The following KIAA0408 variants were observed in gnomAD, a reference collection of about 807,000 sequenced individuals.
KIAA0408 encodes the protein KIAA0408, also known as uncharacterized protein KIAA0408.
In KIAA0408, 51 loss-of-function variants were observed where a neutral mutation model predicts 60.9. The ratio of observed to expected loss-of-function variants is 0.84; its 90% confidence interval spans 0.67 to 1.06. KIAA0408 has a LOEUF of 1.06. Among genes scored for constraint, KIAA0408 ranks in the 50% least tolerant of loss-of-function variants. KIAA0408 has a pLI of 0.00. For synonymous variants in KIAA0408, 304 were observed against 282.4 expected, an observed-to-expected ratio of 1.08 and a Z score of -0.77; for missense variants, 787 against 833.9, an observed-to-expected ratio of 0.94 and a Z score of 0.69.
chr6:127,456,721 G>A (rs1029658591), intron 1 of KIAA0408, among the ~76,000 whole-genome samples: 1 of 151,784 alleles, frequency 6.6e-6, no homozygotes, highest in Non-Finnish European at 1.5e-5. Context: ...CAGTCTTGTC[G>A]TAAATATAAT....
chr6:127,442,364 G>C lies in KIAA0408; in HGVS notation c.*1745C>G, dbSNP rs908805477. ...TTATGACCCAGGGTTCCTCTTTCCT[G>C]GTGTTTTCTCCCCTCTAGCTGGAAA... On this transcript the variant is annotated 3_prime_UTR_variant, in exon 6 of 6. Coordinates refer to ENST00000483725, the MANE Select transcript of KIAA0408 (RefSeq NM_014702.5). 1 of 152,172 alleles carries C rather than the reference G, an allele frequency of 6.6e-6. No homozygotes were observed. The highest frequency in any genetic ancestry group is 1.5e-5 in the Non-Finnish European group (1 of 68,052). The allele number at this position is 152,172 out of a possible 1,614,324, so 9.4% of individuals were successfully genotyped here.
Position 127,443,923 on chromosome 6 carries a change from TTCTGA to T in KIAA0408, c.*181_*185del. On this transcript the variant is annotated 3_prime_UTR_variant, in exon 6 of 6. Transcript: ENST00000483725. ...AACTAATGAGGATGGCATTAAAAAA[TTCTGA>T]TCTAAGAAATCAAAATGCAGGAAGA... 1 of 575,666 alleles carries T rather than the reference TTCTGA, an allele frequency of 1.7e-6. No individual in the cohort carries two copies. Among genetic ancestry groups the T allele is most frequent in the Non-Finnish European group, 3.0e-6 (1 of 330,514 alleles). 35.7% of individuals were successfully genotyped at this position (575,666 alleles called of 1,614,324 possible).
chr6:127,447,328 A>G lies in KIAA0408; in HGVS notation c.991T>C (p.Ser331Pro), dbSNP rs559066753. Reference protein sequence around the residue: ...SMLYPNEGKTSKDGIIFSSLV... With the variant: ...SMLYPNEGKTPKDGIIFSSLV... Reference sequence around the variant, plus strand: ...GAGGAAAAGATGATACCATCTTTCGAAGTTTTCCCTTCATTTGGATACAAC... The same window carrying G: ...GAGGAAAAGATGATACCATCTTTCGGAGTTTTCCCTTCATTTGGATACAAC... Residue 331 changes from serine (S) to proline (P), a missense_variant, in exon 5 of 6, where the codon TCG becomes CCG. Physicochemically the swap from Ser to Pro is moderately conservative, Grantham distance 74. Around this residue, in one of 3 missense-constraint regions of KIAA0408, gnomAD observed 640 missense variants for 681.3 expected, o/e 0.94. Transcript: ENST00000483725. 21 of 1,613,466 alleles carry G rather than the reference A, an allele frequency of 1.3e-5. No homozygotes were observed. The East Asian group carries it at 3.8e-4, about 29-fold the overall frequency.
rs926744764 is a variant in KIAA0408 at position 127,440,058 on chromosome 6, T to A, written c.*4051A>T. 1.3e-5 allele frequency: 2 copies of A among 152,186 alleles called. No homozygotes were observed. Among genetic ancestry groups the A allele is most frequent in the African/African-American group, 4.8e-5 (2 of 41,462 alleles). 9.4% of individuals were successfully genotyped at this position (152,186 alleles called of 1,614,324 possible). A position where few individuals can be genotyped will look rare whatever the true frequency, so the allele number is the denominator to read the frequency against. On this transcript the variant is annotated 3_prime_UTR_variant, in exon 6 of 6. Coordinates refer to ENST00000483725, the MANE Select transcript of KIAA0408 (RefSeq NM_014702.5). The stretch of plus-strand genomic sequence containing the variant: ...TCCATAGCTTCATATAAACAGATTT[T>A]TTTCCTAAGAATTTGTTAATTTAAC...
At chr6:127,453,787 C>A in intron 2 of KIAA0408, 60 bp downstream of exon 2, 1 of 1,554,738 alleles carries the variant, frequency 6.4e-7, no homozygotes, top group Non-Finnish European at 8.7e-7. Flanking sequence ...CAAAACAGCC[C>A]ACAGAATTTT....
At chr6:127,449,501 A>C (rs1773260987) in intron 4 of KIAA0408, among the ~76,000 whole-genome samples, 1 of 151,874 alleles carries the variant, frequency 6.6e-6, no homozygotes, top group Non-Finnish European at 1.5e-5. Context: ...AATACAAAAA[A>C]ACTAGCTGGG....
Position 127,446,712 on chromosome 6 carries a change from A to C in KIAA0408, c.1607T>G (p.Met536Arg). 1 of 1,613,930 alleles carries C rather than the reference A, an allele frequency of 6.2e-7. No individual in the cohort carries two copies. Among genetic ancestry groups the C allele is most frequent in the Non-Finnish European group, 8.5e-7 (1 of 1,180,006 alleles). The change falls in exon 5 of 6, where the codon ATG (methionine) becomes AGG (arginine). Residue 536 changes from methionine to arginine, a missense_variant. Physicochemically the swap from Met to Arg is moderately conservative, Grantham distance 91 (BLOSUM62 -1). Coordinates refer to ENST00000483725, the MANE Select transcript of KIAA0408 (RefSeq NM_014702.5). The part of the protein sequence containing the change: ...GHLSPRSYRN[M>R]LHEHDWRPSN... ...CGGTCTCCAGTCATGCTCGTGGAGC[A>C]TATTTCGATAACTGCGAGGACTTAG...
Position 127,447,256 on chromosome 6 carries a change from C to T in KIAA0408, c.1063G>A (p.Asp355Asn). The T allele has an allele frequency of 6.2e-7, 1 of 1,613,972 alleles. No individual in the cohort carries two copies. Among genetic ancestry groups the T allele is most frequent in the Non-Finnish European group, 8.5e-7 (1 of 1,179,958 alleles). The change falls in exon 5 of 6, where the codon GAT (aspartate) becomes AAT (asparagine). Residue 355 changes from aspartate to asparagine, a missense_variant. Coordinates refer to ENST00000483725, the MANE Select transcript of KIAA0408 (RefSeq NM_014702.5). The part of the protein sequence containing the change: ...KIDSKPPSNE[D>N]VGLSMWSCDI... ...CATGACCACATGCTAAGTCCAACAT[C>T]TTCATTACTTGGAGGCTTGCTATCT...
chr6:127,459,010 C>T (rs2114811025), intron 1 of KIAA0408, among the ~76,000 whole-genome samples, 165 bp downstream of exon 1: 1 of 152,270 alleles, frequency 6.6e-6, no homozygotes, highest in African/African-American at 2.4e-5. Context: ...CTGTTATGCA[C>T]CCCGCCCACT....
rs141273571 is a variant in KIAA0408 at position 127,449,881 on chromosome 6, C to T, written c.519G>A (p.Lys173=). The change falls in exon 4 of 6, where the codon AAG becomes AAA. Residue 173 remains lysine (K), a synonymous_variant. Coordinates refer to ENST00000483725, the MANE Select transcript of KIAA0408 (RefSeq NM_014702.5). ...GAAAGCTGCATAATTCTTCACTCAC[C>T]TTCGCAAGTTCTTCAAGAGCCTTTA... The part of the protein sequence containing the change: ...ALSTALEELA[K]VSEELCSFQE... 1.3e-5 allele frequency: 21 copies of T among 1,613,880 alleles called. No homozygotes were observed. Among genetic ancestry groups the T allele is most frequent in the Non-Finnish European group, 1.6e-5 (19 of 1,179,968 alleles).
At chr6:127,444,330 T>C in intron 5 of KIAA0408, 48 bp from the exon 6 acceptor site, 2 of 1,441,026 alleles carry the variant, frequency 1.4e-6, no homozygotes, top group South Asian at 1.4e-5. Flanking sequence ...GTACCAACAA[T>C]AGGCTTAATA....
In KIAA0408 at chr6:127,446,612, G is replaced by A; in HGVS notation, c.1707C>T (p.Thr569=). ...ATGCAGACTCTGTTGCTGTCTCATAGGTTTTCAGCAGCTTTTCCACAACAC... is the reference window on the plus strand; with the variant it reads ...ATGCAGACTCTGTTGCTGTCTCATAAGTTTTCAGCAGCTTTTCCACAACAC... ...NYGVVEKLLK[T]YETATESALQ... Residue 569 remains threonine (T), a synonymous_variant, in exon 5 of 6, where the codon ACC becomes ACT. Transcript: ENST00000483725. 6.2e-7 allele frequency: 1 copy of A among 1,614,124 alleles called. No homozygotes were observed. Among genetic ancestry groups the A allele is most frequent in the Non-Finnish European group, 8.5e-7 (1 of 1,180,018 alleles).
Position 127,444,006 on chromosome 6 carries a change from A to C in KIAA0408, c.*103T>G. Reference sequence around the variant, plus strand: ...AAGACTGATGGAAAGTTAAGATTCAAATTGCTTGTCGGAAGAGAACAGGTC... The same window carrying C: ...AAGACTGATGGAAAGTTAAGATTCACATTGCTTGTCGGAAGAGAACAGGTC... On this transcript the variant is annotated 3_prime_UTR_variant, in exon 6 of 6. Transcript: ENST00000483725. 1 of 987,896 alleles carries C rather than the reference A, an allele frequency of 1.0e-6. No individual in the cohort carries two copies. Among genetic ancestry groups the C allele is most frequent in the South Asian group, 1.6e-5 (1 of 63,572 alleles). 61.2% of individuals were successfully genotyped at this position (987,896 alleles called of 1,614,324 possible). A position where few individuals can be genotyped will look rare whatever the true frequency, so the allele number is the denominator to read the frequency against.
chr6:127,441,021 C>A lies in KIAA0408; in HGVS notation c.*3088G>T, dbSNP rs912087382. On this transcript the variant is annotated 3_prime_UTR_variant, in exon 6 of 6. Transcript: ENST00000483725. ...AAAATGAGGGAAAGAAAAATGTTCTCGATGTATACAAATGCCACAGACAGT... is the reference window on the plus strand; with the variant it reads ...AAAATGAGGGAAAGAAAAATGTTCTAGATGTATACAAATGCCACAGACAGT... 6.6e-6 allele frequency: 1 copy of A among 152,116 alleles called. No homozygotes were observed. The highest frequency in any genetic ancestry group is 2.4e-5 in the African/African-American group (1 of 41,420). The allele number at this position is 152,116 out of a possible 1,614,324, so 9.4% of individuals were successfully genotyped here.
chr6:127,450,017 G>A lies in KIAA0408; in HGVS notation c.471C>T (p.Ser157=), dbSNP rs201542659. 6.3e-5 allele frequency: 102 copies of A among 1,613,676 alleles called. No individual in the cohort carries two copies. Among genetic ancestry groups the A allele is most frequent in the Middle Eastern group, 3.3e-4 (2 of 6,082 alleles). ...WPDLRTSEED[S]KSCSGALSTA... is the part of the protein sequence containing the mutation. The stretch of plus-strand genomic sequence containing the variant: ...TACTGAGGGCGCCAGAACAGCTCTT[G>A]CTGTCTTCCTCAGAAGTCCTCAGGT... The change falls in exon 3 of 6, where the codon AGC becomes AGT. Residue 157 remains serine, a synonymous_variant. Transcript: ENST00000483725.
At chr6:127,458,299 C>G (rs1562373613) in intron 1 of KIAA0408, among the ~76,000 whole-genome samples, 1 of 152,192 alleles carries the variant, frequency 6.6e-6, no homozygotes, top group Non-Finnish European at 1.5e-5. Flanking sequence ...GCAATTGAAT[C>G]TTTCCAAAGA....
Position 127,459,196 on chromosome 6 carries a change from C to T in KIAA0408, c.-142G>A, listed in dbSNP as rs149104230. 6.6e-6 allele frequency: 1 copy of T among 152,306 alleles called. No homozygotes were observed. The highest frequency in any genetic ancestry group is 2.4e-5 in the African/African-American group (1 of 41,558). The allele number at this position is 152,306 out of a possible 1,614,324, so 9.4% of individuals were successfully genotyped here. On this transcript the variant is annotated 5_prime_UTR_variant, in exon 1 of 6. Coordinates refer to ENST00000483725, the MANE Select transcript of KIAA0408 (RefSeq NM_014702.5). ...ATACCTTTCACACTGGGGAGAAATCCTATGGATGCTCGACCACTGGTCAAT... is the reference window on the plus strand; with the variant it reads ...ATACCTTTCACACTGGGGAGAAATCTTATGGATGCTCGACCACTGGTCAAT...
At chr6:127,445,130 A>C (rs567854546) in intron 5 of KIAA0408, among the ~76,000 whole-genome samples, 1 of 152,292 alleles carries the variant, frequency 6.6e-6, no homozygotes, top group Admixed American at 6.5e-5. Context: ...TCTGACAGTA[A>C]ACTGCAGTTT....
chr6:127,456,789 G>T (rs965059991), intron 1 of KIAA0408, among the ~76,000 whole-genome samples: 4 of 151,970 alleles, frequency 2.6e-5, no homozygotes, highest in African/African-American at 4.8e-5. Context: ...AGTGGTGGGG[G>T]GGGGGCATAG....
Sources: gnomAD v4.1 joint callset for allele counts (sites outside exome capture counted in the v4.1 genomes callset) on GRCh38, gnomAD v4.1.1 for gene constraint, gnomAD v4.1.1 regional missense constraint, MANE v1.5 for transcripts, NCBI Gene and HGNC (gene_info 2026-07-23, HGNC 2026-07-21) for gene names.